PGM5: variants seen among roughly 807,000 people sequenced by gnomAD.
PGM5 encodes phosphoglucomutase 5.
Under a neutral mutation model 59.2 loss-of-function variants are expected in PGM5, and 23 were observed. The observed-to-expected ratio is 0.39, with a 90% CI of 0.28 to 0.55. The LOEUF is 0.55. Among genes scored for constraint, PGM5 ranks in the 20% least tolerant of loss-of-function variants. The pLI, the probability that PGM5 is intolerant of heterozygous loss-of-function variation, is 0.66. For missense variants in PGM5, 574 were observed against 748.3 expected, an observed-to-expected ratio of 0.77 and a Z score of 2.72; for synonymous variants, 214 against 286.0, an observed-to-expected ratio of 0.75 and a Z score of 2.54.
At position 68,479,461 on chromosome 9, in the gene PGM5, G is replaced by A; in HGVS notation, c.1203G>A (p.Leu401=). ...LREKDGLWAV[L]VWLSIIAARK... The stretch of plus-strand genomic sequence containing the variant: ...AGAAGGATGGCCTGTGGGCTGTCTT[G>A]GTCTGGCTCTCCATTATTGCTGCCC... The change falls in exon 8 of 11, where the codon TTG becomes TTA. Residue 401 remains leucine (L), a synonymous_variant. Transcript: ENST00000396396. 1 of 1,613,946 alleles carries A rather than the reference G, an allele frequency of 6.2e-7. No individual in the cohort carries two copies.
At chr9:68,383,104 A>G (rs558198676) in intron 2 of PGM5, among the ~76,000 whole-genome samples, 258 of 151,984 alleles carry the variant, frequency 1.7e-3, no homozygotes, top group Admixed American at 2.8e-3. Context: ...CTTTTCCCAC[A>G]CAACAAGAAA....
At chr9:68,403,157 G>A (rs1239961132) in intron 6 of PGM5, among the ~76,000 whole-genome samples, 4 of 152,132 alleles carry the variant, frequency 2.6e-5, no homozygotes, top group Admixed American at 2.0e-4. Context: ...CTGTCAGATC[G>A]GTGGCAGCAT....
intron 2 of PGM5, among the ~76,000 whole-genome samples, chr9:68,382,440 A>G (rs1325274009): frequency 1.3e-5 from 2 of 151,818 alleles, no homozygotes; most frequent in African/African-American, 4.8e-5. Context: ...GTTATTTGAC[A>G]TTGGCCTTGG....
At chr9:68,465,329 A>G in intron 7 of PGM5, 121 bp downstream of exon 7, 1 of 665,562 alleles carries the variant, frequency 1.5e-6, no homozygotes, top group South Asian at 1.8e-5. Flanking sequence ...GCAAAAAATC[A>G]GAGAAACCTA....
In PGM5 at chr9:68,391,723, G is replaced by A; in HGVS notation, c.887G>A (p.Gly296Glu). The A allele has an allele frequency of 6.2e-7, 1 of 1,612,850 alleles. No homozygotes were observed. The highest frequency in any genetic ancestry group is 1.7e-4 in the Middle Eastern group (1 of 6,042). ...TTTGGAGCTGCATTTGATGCTGATG[G>A]GGTAAGTAGGAAAGCTGTCTGTCTG... is the stretch of plus-strand genomic sequence containing the variant. ...YGFGAAFDAD[G>E]DRYMILGQNG... The change falls in exon 5 of 11, where the codon GGG (glycine) becomes GAG (glutamate). Residue 296 changes from glycine (G) to glutamate (E), a missense_variant and splice_region_variant. By Grantham distance (98) the Gly-to-Glu change is moderately conservative. Around this residue, in one of 7 missense-constraint regions of PGM5, gnomAD observed 34 missense variants for 48.1 expected, o/e 0.71. Coordinates refer to ENST00000396396, the MANE Select transcript of PGM5 (RefSeq NM_021965.4).
rs565032432 is a variant in PGM5 at position 68,395,176 on chromosome 9, G to A, written c.1043+2703G>A. 1.8e-3 allele frequency among the ~76,000 whole-genome samples: 271 copies of A among 152,050 alleles called. 8 individuals carry two copies. The South Asian group carries it at 0.055, about 31-fold the overall frequency. On this transcript the variant is annotated intron_variant, in intron 6 of 10. Transcript: ENST00000396396. ...ATTTTTGAGCACGGTATAAGGTAGGGGTCGAGGTTCACTTATTTCCCTTAT... is the reference window on the plus strand; with the variant it reads ...ATTTTTGAGCACGGTATAAGGTAGGAGTCGAGGTTCACTTATTTCCCTTAT...
Position 68,529,766 on chromosome 9 carries a change from G to C in PGM5, c.*110G>C. ...CTCTTATGACTTTGGAAAAACAAAA[G>C]ATATTTTGCTTTTGGGGGATAGAGG... is the stretch of plus-strand genomic sequence containing the variant. On this transcript the variant is annotated 3_prime_UTR_variant, in exon 11 of 11. Transcript: ENST00000396396. The C allele has an allele frequency of 1.4e-5, 5 of 361,886 alleles. No homozygotes were observed. The East Asian group carries it at 4.0e-4, about 29-fold the overall frequency. 22.4% of individuals were successfully genotyped at this position (361,886 alleles called of 1,614,324 possible). A position where few individuals can be genotyped will look rare whatever the true frequency, so the allele number is the denominator to read the frequency against.
intron 6 of PGM5, among the ~76,000 whole-genome samples, chr9:68,412,962 G>A (rs1554681726): frequency 6.6e-6 from 1 of 152,172 alleles, no homozygotes. Flanking sequence ...ACAGTTGACA[G>A]GAAACATCTG....
At chr9:68,483,559 G>A (rs1824234903) in intron 8 of PGM5, among the ~76,000 whole-genome samples, 1 of 152,176 alleles carries the variant, frequency 6.6e-6, no homozygotes, top group African/African-American at 2.4e-5. Context: ...AAAGAGGTGG[G>A]CCAGGGCAGA....
chr9:68,523,765 C>T (rs144590163), intron 10 of PGM5, among the ~76,000 whole-genome samples: 1 of 152,290 alleles, frequency 6.6e-6, no homozygotes, highest in African/African-American at 2.4e-5. Flanking sequence ...CCAATCCTTC[C>T]CCGACTGTAC....
intron 6 of PGM5, among the ~76,000 whole-genome samples, chr9:68,414,401 A>G (rs1327843174): frequency 1.3e-5 from 2 of 152,196 alleles, no homozygotes; most frequent in Non-Finnish European, 1.5e-5. Flanking sequence ...AATGGGTTCA[A>G]ATAAAAGACA....
At position 68,387,110 on chromosome 9, in the gene PGM5, C is replaced by G. The variant is rs192314600; in HGVS notation, c.572-353C>G. Among the ~76,000 whole-genome samples, 1,433 of 152,038 alleles carry G rather than the reference C, an allele frequency of 9.4e-3. 10 individuals are homozygous for G. The highest frequency in any genetic ancestry group is 0.015 in the Non-Finnish European group (1,045 of 67,922). ...CTGGATATGCCAAAATGCCTCTAAA[C>G]ATTGAGATGTGTGCTGTGTGCATTT... is the stretch of plus-strand genomic sequence containing the variant. On this transcript the variant is annotated intron_variant, in intron 3 of 10. Transcript: ENST00000396396.
intron 1 of PGM5, among the ~76,000 whole-genome samples, chr9:68,372,426 G>C (rs1423927211): frequency 1.3e-5 from 2 of 152,030 alleles, no homozygotes; most frequent in Admixed American, 1.3e-4. Flanking sequence ...CGTGATGGAA[G>C]TGGCCCAAAT....
chr9:68,527,001 A>G (rs1458088675), intron 10 of PGM5, among the ~76,000 whole-genome samples: 2 of 152,274 alleles, frequency 1.3e-5, no homozygotes, highest in African/African-American at 4.8e-5. Flanking sequence ...GTAGGTGAGC[A>G]TATTAGAAAG....
At chr9:68,366,122 T>C (rs1228279348) in intron 1 of PGM5, among the ~76,000 whole-genome samples, 2 of 152,006 alleles carry the variant, frequency 1.3e-5, no homozygotes, top group African/African-American at 4.8e-5. Context: ...CATAACTTTT[T>C]GGTCAGGCAA....
At chr9:68,518,127 T>C (rs1004846940) in intron 10 of PGM5, among the ~76,000 whole-genome samples, 1 of 152,192 alleles carries the variant, frequency 6.6e-6, no homozygotes, top group Non-Finnish European at 1.5e-5. Context: ...AAAAGAAATA[T>C]GGTTAGTTAA....
chr9:68,385,091 A>T, intron 3 of PGM5, among the ~76,000 whole-genome samples: 2 of 152,038 alleles, frequency 1.3e-5, no homozygotes, highest in Non-Finnish European at 2.9e-5. Flanking sequence ...TTCAAAAATT[A>T]AAGAACCAAA....
chr9:68,526,634 T>A (rs897226225), intron 10 of PGM5, among the ~76,000 whole-genome samples: 1 of 152,234 alleles, frequency 6.6e-6, no homozygotes, highest in Non-Finnish European at 1.5e-5. Context: ...CCACTCATAA[T>A]TCATCATCTA....
At chr9:68,445,375 C>G (rs1394896670) in intron 6 of PGM5, among the ~76,000 whole-genome samples, 2 of 152,184 alleles carry the variant, frequency 1.3e-5, no homozygotes, top group Non-Finnish European at 2.9e-5. Context: ...CTGTTTGATT[C>G]CCAGTCCCTA....
Sources: gnomAD v4.1 joint callset for allele counts (sites outside exome capture counted in the v4.1 genomes callset) on GRCh38, gnomAD v4.1.1 for gene constraint, gnomAD v4.1.1 regional missense constraint, MANE v1.5 for transcripts, NCBI Gene and HGNC (gene_info 2026-07-23, HGNC 2026-07-21) for gene names.